The following ZFHX3 variants were observed in gnomAD, a reference collection of about 807,000 sequenced individuals.
ZFHX3 encodes zinc finger homeobox 3.
In ZFHX3, 42 loss-of-function variants were observed where a neutral mutation model predicts 279.1. The observed-to-expected ratio is 0.15, with a 90% CI of 0.12 to 0.19. The LOEUF (loss-of-function observed/expected upper bound fraction) is 0.19. ZFHX3 is among the 10% of genes least tolerant of loss of function. The pLI is 1.00. For synonymous variants in ZFHX3, 2,293 were observed against 1,957.8 expected (o/e 1.17, Z -4.52); for missense variants, 4,981 against 4,754.0 (o/e 1.05, Z -1.40).
At chr16:73,140,131 G>T (rs1041934940) in intron 6 of ZFHX3, among the ~76,000 whole-genome samples, 2 of 152,134 alleles carry the variant, frequency 1.3e-5, no homozygotes, top group African/African-American at 4.8e-5. Flanking sequence ...GCTGGGCATG[G>T]TGGGCACGTG....
At chr16:73,801,773 T>C (rs1960153264) in intron 1 of ZFHX3, among the ~76,000 whole-genome samples, 1 of 152,182 alleles carries the variant, frequency 6.6e-6, no homozygotes, top group Non-Finnish European at 1.5e-5. Context: ...TATGCGAGTG[T>C]GGTCATTGCT....
chr16:73,442,244 C>T (rs972263226), intron 3 of ZFHX3, among the ~76,000 whole-genome samples: 76 of 152,318 alleles, frequency 5.0e-4, no homozygotes, highest in Admixed American at 2.2e-3. Context: ...AGTCCGAGAT[C>T]AAGGTGTTGG....
At position 73,247,600 on chromosome 16, in the gene ZFHX3, C is replaced by G. The variant is rs2013330055; in HGVS notation, c.-1104+9447G>C. Reference sequence around the variant, plus strand: ...TGTATATACTGTGTATATGATGTGTCTGTGTATATGTACCTGTATGTGGAG... The same window carrying G: ...TGTATATACTGTGTATATGATGTGTGTGTGTATATGTACCTGTATGTGGAG... On this transcript the variant is annotated intron_variant, in intron 5 of 17. Transcript: ENST00000641206. 2.0e-5 allele frequency among the ~76,000 whole-genome samples: 3 copies of G among 149,292 alleles called. No homozygotes were observed. The South Asian group carries it at 6.4e-4, about 32-fold the overall frequency.
At chr16:72,904,789 C>T (rs1404227879) in intron 3 of ZFHX3, among the ~76,000 whole-genome samples, 1 of 152,074 alleles carries the variant, frequency 6.6e-6, no homozygotes, top group East Asian at 1.9e-4. Flanking sequence ...GGGGGTCCCA[C>T]AGCACCAGGT....
At chr16:73,592,353 G>A (rs766876988) in intron 2 of ZFHX3, among the ~76,000 whole-genome samples, 29 of 152,116 alleles carry the variant, frequency 1.9e-4, no homozygotes, top group Non-Finnish European at 3.4e-4. Flanking sequence ...ATAATCTATG[G>A]GAGAGAGAAG....
At chr16:73,604,247 T>C (rs2052154700) in intron 2 of ZFHX3, among the ~76,000 whole-genome samples, 1 of 151,694 alleles carries the variant, frequency 6.6e-6, no homozygotes, top group Non-Finnish European at 1.5e-5. Context: ...CTTTAAATAG[T>C]TTTTTTTCCC....
At chr16:73,390,465 C>T (rs2016988897) in intron 3 of ZFHX3, among the ~76,000 whole-genome samples, 1 of 152,140 alleles carries the variant, frequency 6.6e-6, no homozygotes, top group Admixed American at 6.6e-5. Flanking sequence ...CTGGATATGC[C>T]AAGCTTTGCA....
chr16:72,873,030 A>G (rs754616283), intron 4 of ZFHX3, among the ~76,000 whole-genome samples: 2 of 151,988 alleles, frequency 1.3e-5, no homozygotes, highest in Non-Finnish European at 2.9e-5. Flanking sequence ...CTCTCCTTAG[A>G]GCTTCCCCAC....
chr16:73,007,676 A>C (rs1386987599), intron 1 of ZFHX3, among the ~76,000 whole-genome samples: 1 of 151,762 alleles, frequency 6.6e-6, no homozygotes, highest in African/African-American at 2.4e-5. Flanking sequence ...TCAACTCCTG[A>C]CCTCGTGATC....
At chr16:73,191,822 G>A (rs1162996868) in intron 5 of ZFHX3, among the ~76,000 whole-genome samples, 2 of 152,212 alleles carry the variant, frequency 1.3e-5, no homozygotes, top group African/African-American at 4.8e-5. Flanking sequence ...AGAGGGGAAG[G>A]AGAAAAGCTG....
chr16:73,024,650 C>T (rs1411397049), intron 1 of ZFHX3, among the ~76,000 whole-genome samples: 1 of 152,200 alleles, frequency 6.6e-6, no homozygotes, highest in African/African-American at 2.4e-5. Flanking sequence ...ACCCCTAAAC[C>T]GCCATGTGTC....
At chr16:73,064,779 G>A (rs1305753251) in intron 8 of ZFHX3, among the ~76,000 whole-genome samples, 1 of 152,186 alleles carries the variant, frequency 6.6e-6, no homozygotes, top group African/African-American at 2.4e-5. Context: ...CAGATTCCCA[G>A]TTTCCTCAGC....
At chr16:73,199,787 G>A (rs1968229131) in intron 5 of ZFHX3, among the ~76,000 whole-genome samples, 1 of 152,186 alleles carries the variant, frequency 6.6e-6, no homozygotes, top group South Asian at 2.1e-4. Flanking sequence ...TACAGTGAGA[G>A]GGTGAACGAG....
chr16:73,728,727 G>C (rs1013377167), intron 1 of ZFHX3, among the ~76,000 whole-genome samples: 4 of 151,756 alleles, frequency 2.6e-5, no homozygotes, highest in South Asian at 2.1e-4. Context: ...TCTAAAAAGA[G>C]CCCCCTGCCT....
chr16:73,213,127 G>T (rs1047139262), intron 5 of ZFHX3, among the ~76,000 whole-genome samples: 6 of 152,126 alleles, frequency 3.9e-5, no homozygotes, highest in Admixed American at 2.0e-4. Flanking sequence ...TTCCCAAAAG[G>T]TATGATGAGA....
chr16:72,960,842 G>A (rs917117767), intron 1 of ZFHX3, among the ~76,000 whole-genome samples: 17 of 152,142 alleles, frequency 1.1e-4, no homozygotes, highest in African/African-American at 3.6e-4. Flanking sequence ...GACACACTCC[G>A]AAAAGTCCTC....
intron 1 of ZFHX3, among the ~76,000 whole-genome samples, chr16:73,019,439 C>T (rs901078047): frequency 6.6e-6 from 1 of 152,142 alleles, no homozygotes; most frequent in African/African-American, 2.4e-5. Context: ...CCACCACAAC[C>T]CTTCCACCAA....
chr16:73,345,358 G>A (rs529957864), intron 3 of ZFHX3, among the ~76,000 whole-genome samples: 1 of 152,070 alleles, frequency 6.6e-6, no homozygotes, highest in African/African-American at 2.4e-5. Context: ...AGCCCAGCAT[G>A]CATCAGTTAT....
At chr16:73,356,049 C>G (rs1368960102) in intron 3 of ZFHX3, among the ~76,000 whole-genome samples, 1 of 152,148 alleles carries the variant, frequency 6.6e-6, no homozygotes, top group Non-Finnish European at 1.5e-5. Flanking sequence ...TCCCAGAGAC[C>G]TAAGTTTCCG....
Sources: allele counts gnomAD v4.1 joint callset (sites outside exome capture counted in the v4.1 genomes callset), GRCh38; gene constraint gnomAD v4.1.1; transcripts MANE v1.5; gene names NCBI Gene and HGNC (gene_info 2026-07-23, HGNC 2026-07-21).